The following RBFOX1 variants were observed in gnomAD, a reference collection of about 807,000 sequenced individuals.
RBFOX1 encodes the protein RNA binding protein fox-1 homolog 1.
In RBFOX1, 8 loss-of-function variants were observed where a neutral mutation model predicts 57.7. The observed-to-expected ratio is 0.14, with a 90% CI of 0.08 to 0.25. The LOEUF (loss-of-function observed/expected upper bound fraction) is 0.25, where lower values mean the gene tolerates loss of function less well. Ranked by LOEUF, RBFOX1 falls within the 10% of genes least tolerant of loss-of-function variation. The pLI is 1.00. For missense variants in RBFOX1, 611 were observed against 548.5 expected (o/e 1.11, Z -1.14); for synonymous variants, 326 against 222.4 (o/e 1.47, Z -4.15).
At chr16:6,090,214 C>G (rs2096151305) in intron 1 of RBFOX1, 1 of 152,112 alleles carries the variant, frequency 6.6e-6, no homozygotes, top group Non-Finnish European at 1.5e-5. Context: ...AGACTTGTGA[C>G]TACATTGGGC....
intron 4 of RBFOX1, among the ~76,000 whole-genome samples, chr16:7,501,475 T>C (rs2070837542): frequency 6.6e-6 from 1 of 152,236 alleles, no homozygotes; most frequent in Admixed American, 6.5e-5. Context: ...GCTGGGGATA[T>C]GCTGTCCTAT....
chr16:6,497,015 G>T (rs530832699), intron 2 of RBFOX1, among the ~76,000 whole-genome samples: 1 of 152,184 alleles, frequency 6.6e-6, no homozygotes, highest in South Asian at 2.1e-4. Flanking sequence ...CAAGTACTAC[G>T]AGAGGCACTG....
chr16:6,917,457 C>A (rs943250832), intron 3 of RBFOX1, among the ~76,000 whole-genome samples: 1 of 152,206 alleles, frequency 6.6e-6, no homozygotes, highest in African/African-American at 2.4e-5. Context: ...TTGGGGAATA[C>A]ATCCATTTCT....
intron 5 of RBFOX1, among the ~76,000 whole-genome samples, chr16:7,546,098 A>C (rs934200064): frequency 2.6e-5 from 4 of 151,236 alleles, no homozygotes; most frequent in Non-Finnish European, 4.4e-5. Flanking sequence ...GGACAGAGGC[A>C]GGTGGATCAC....
At chr16:7,508,097 G>C (rs963363143) in intron 4 of RBFOX1, among the ~76,000 whole-genome samples, 1 of 151,460 alleles carries the variant, frequency 6.6e-6, no homozygotes, top group Non-Finnish European at 1.5e-5. Flanking sequence ...AGCGATTCTC[G>C]TGCCTCAGCC....
In RBFOX1 at chr16:6,615,399, G is replaced by A. The variant is rs371283552; in HGVS notation, c.-63-39204G>A. Among the ~76,000 whole-genome samples, 9 of 152,144 alleles carry A rather than the reference G, an allele frequency of 5.9e-5. No individual in the cohort carries two copies. In the South Asian group the frequency reaches 1.7e-3, roughly 28 times the overall value. On this transcript the variant is annotated intron_variant, in intron 2 of 15. Transcript: ENST00000550418. Reference sequence around the variant, plus strand: ...AGCCTGGCCAACATGCCAAAACCCCGTCTCTACTAAAAATACAAAAATTAG... The same window carrying A: ...AGCCTGGCCAACATGCCAAAACCCCATCTCTACTAAAAATACAAAAATTAG...
intron 2 of RBFOX1, among the ~76,000 whole-genome samples, chr16:6,497,961 A>G (rs912626109): frequency 6.6e-6 from 1 of 152,166 alleles, no homozygotes; most frequent in African/African-American, 2.4e-5. Context: ...AAAGATGACA[A>G]TTCCAGGCCA....
At chr16:5,553,166 A>T (rs1290635455) in intron 2 of RBFOX1, among the ~76,000 whole-genome samples, 1 of 152,130 alleles carries the variant, frequency 6.6e-6, no homozygotes, top group Non-Finnish European at 1.5e-5. Flanking sequence ...TAGCATTAGG[A>T]CAAATACCTA....
chr16:6,013,369 G>T (rs72770999), intron 4 of RBFOX1, among the ~76,000 whole-genome samples: 1 of 152,304 alleles, frequency 6.6e-6, no homozygotes, highest in East Asian at 1.9e-4. Context: ...TGTTTCCAAA[G>T]TGTTCTTTAT....
chr16:6,349,659 C>A (rs117687960), intron 2 of RBFOX1, among the ~76,000 whole-genome samples: 1 of 152,190 alleles, frequency 6.6e-6, no homozygotes, highest in African/African-American at 2.4e-5. Flanking sequence ...ACATCTTCAT[C>A]TCTAGAGAGC....
At chr16:5,585,995 A>G (rs865941152) in intron 2 of RBFOX1, among the ~76,000 whole-genome samples, 3 of 152,172 alleles carry the variant, frequency 2.0e-5, no homozygotes, top group African/African-American at 7.2e-5. Context: ...TCATGATGAG[A>G]TTATCTTCCC....
At chr16:7,084,316 T>C (rs553932790) in intron 4 of RBFOX1, among the ~76,000 whole-genome samples, 2 of 151,904 alleles carry the variant, frequency 1.3e-5, no homozygotes, top group Non-Finnish European at 2.9e-5. Flanking sequence ...CACACACTTA[T>C]ATGTGAGGGA....
At chr16:5,949,657 A>G (rs1053084383) in intron 4 of RBFOX1, among the ~76,000 whole-genome samples, 6 of 152,132 alleles carry the variant, frequency 3.9e-5, no homozygotes, top group African/African-American at 9.7e-5. Context: ...GTCTTTTACA[A>G]CAATTAACAG....
chr16:7,072,357 C>A (rs887285891), intron 4 of RBFOX1, among the ~76,000 whole-genome samples: 1 of 152,134 alleles, frequency 6.6e-6, no homozygotes, highest in African/African-American at 2.4e-5. Flanking sequence ...ATCTGTTATT[C>A]CCTCGTTTGT....
At chr16:7,709,630 G>C (rs1211787506) in intron 15 of RBFOX1, 38 of 1,531,020 alleles carry the variant, frequency 2.5e-5, no homozygotes, top group East Asian at 1.7e-4. Flanking sequence ...AGTCGCCCAG[G>C]AAAGAAAATA....
chr16:7,171,707 G>C (rs2080739510), intron 4 of RBFOX1, among the ~76,000 whole-genome samples: 1 of 152,188 alleles, frequency 6.6e-6, no homozygotes, highest in African/African-American at 2.4e-5. Context: ...CAATGAGCTT[G>C]TGTTTTCTGA....
At chr16:5,645,094 A>G (rs78924676) in intron 3 of RBFOX1, among the ~76,000 whole-genome samples, 4 of 132,476 alleles carry the variant, frequency 3.0e-5, no homozygotes, top group Non-Finnish European at 6.7e-5. Context: ...AAAAAAAAAA[A>G]ATAAAAATGT....
At chr16:6,487,426 T>C (rs987346062) in intron 2 of RBFOX1, among the ~76,000 whole-genome samples, 3 of 151,970 alleles carry the variant, frequency 2.0e-5, no homozygotes, top group Non-Finnish European at 2.9e-5. Context: ...CTGAATACTT[T>C]GATGTAGCAA....
At chr16:7,403,165 A>G (rs551904052) in intron 4 of RBFOX1, among the ~76,000 whole-genome samples, 3 of 152,324 alleles carry the variant, frequency 2.0e-5, no homozygotes, top group African/African-American at 4.8e-5. Context: ...TGATATATGT[A>G]TACATTATGC....
Sources: gnomAD v4.1 joint callset for allele counts (sites outside exome capture counted in the v4.1 genomes callset) on GRCh38, gnomAD v4.1.1 for gene constraint, MANE v1.5 for transcripts, NCBI Gene and HGNC (gene_info 2026-07-23, HGNC 2026-07-21) for gene names.